The following DSCAM variants were observed in gnomAD, a reference collection of about 807,000 sequenced individuals.
DSCAM encodes DS cell adhesion molecule.
Under a neutral mutation model 217.7 loss-of-function variants are expected in DSCAM, and 47 were observed. That is an observed-to-expected ratio of 0.22 (90% CI 0.17 to 0.28). DSCAM has a LOEUF of 0.28. Ranked by LOEUF, DSCAM falls within the 10% of genes least tolerant of loss-of-function variation. The pLI, the probability that DSCAM is intolerant of heterozygous loss-of-function variation, is 1.00. For missense variants in DSCAM, 2,080 were observed against 2,618.3 expected (o/e 0.79, Z 4.49); for synonymous variants, 1,056 against 1,015.3 (o/e 1.04, Z -0.76).
intron 10 of DSCAM, among the ~76,000 whole-genome samples, chr21:40,279,796 T>C (rs2123393541): frequency 6.6e-6 from 1 of 152,156 alleles, no homozygotes; most frequent in East Asian, 1.9e-4. Context: ...TATGCAGCCA[T>C]AAAATAGATG....
intron 3 of DSCAM, among the ~76,000 whole-genome samples, chr21:40,620,166 G>A (rs1235009395): frequency 9.7e-6 from 1 of 103,564 alleles, no homozygotes; most frequent in African/African-American, 4.5e-5. Context: ...GAAAGAAAGA[G>A]AGAGAGAAAG....
At chr21:40,551,282 GT>G (rs2076627698) in intron 3 of DSCAM, among the ~76,000 whole-genome samples, 5 of 152,274 alleles carry the variant, frequency 3.3e-5, no homozygotes, top group African/African-American at 1.2e-4. Flanking sequence ...GTGGTTGGGG[GT>G]GTTGCTCACA....
At chr21:40,518,176 G>A (rs2076318696) in intron 3 of DSCAM, among the ~76,000 whole-genome samples, 2 of 147,262 alleles carry the variant, frequency 1.4e-5, no homozygotes, top group Admixed American at 1.4e-4. Flanking sequence ...CAATTCAATA[G>A]GAATCTGTGT....
At chr21:40,418,374 A>G (rs2075391964) in intron 3 of DSCAM, among the ~76,000 whole-genome samples, 1 of 152,238 alleles carries the variant, frequency 6.6e-6, no homozygotes, top group South Asian at 2.1e-4. Flanking sequence ...GTTTTAATTG[A>G]AATTCAAGTT....
intron 1 of DSCAM, among the ~76,000 whole-genome samples, chr21:40,734,021 A>G (rs560197508): frequency 2.0e-5 from 3 of 152,294 alleles, no homozygotes; most frequent in African/African-American, 7.2e-5. Flanking sequence ...GACATCACTT[A>G]CTGTTGAATC....
chr21:40,364,443 C>T (rs1287333548), intron 4 of DSCAM, among the ~76,000 whole-genome samples: 1 of 150,586 alleles, frequency 6.6e-6, no homozygotes, highest in African/African-American at 2.4e-5. Context: ...AAACCAAACA[C>T]CGCATGTTCT....
At chr21:40,287,060 TGTGATCTGCAG>T (rs1327308178) in intron 10 of DSCAM, among the ~76,000 whole-genome samples, 7 of 148,236 alleles carry the variant, frequency 4.7e-5, no homozygotes, top group Admixed American at 2.7e-4. Context: ...TGATCTGCAG[TGTGATCTGCAG>T]GTGATCTGCA....
chr21:40,028,565 A>G (rs2088442314), intron 32 of DSCAM, among the ~76,000 whole-genome samples: 1 of 152,098 alleles, frequency 6.6e-6, no homozygotes, highest in South Asian at 2.1e-4. Flanking sequence ...GCCATGTTTT[A>G]AGCCCGTCAG....
At chr21:40,518,694 A>ATATG (rs2076335493) in intron 3 of DSCAM, among the ~76,000 whole-genome samples, 1 of 142,782 alleles carries the variant, frequency 7.0e-6, no homozygotes, top group African/African-American at 2.6e-5. Flanking sequence ...ATATATATGT[A>ATATG]TATATATATA....
intron 3 of DSCAM, among the ~76,000 whole-genome samples, chr21:40,463,743 G>A (rs1185214449): frequency 1.3e-5 from 2 of 152,166 alleles, no homozygotes; most frequent in Non-Finnish European, 2.9e-5. Context: ...GGTTCCAGAA[G>A]GCTGCACCAT....
At position 40,656,628 on chromosome 21, in the gene DSCAM, G is replaced by A. The variant is rs575753394; in HGVS notation, c.508+36182C>T. On this transcript the variant is annotated intron_variant, in intron 3 of 32. Transcript: ENST00000400454. ...TTCTCCATCACGCTTCTGTGTCACCGTTGCAGAAGCTTCCACCTTAAGACA... is the reference window on the plus strand; with the variant it reads ...TTCTCCATCACGCTTCTGTGTCACCATTGCAGAAGCTTCCACCTTAAGACA... Among the ~76,000 whole-genome samples the A allele has an allele frequency of 5.3e-5, 8 of 152,190 alleles. No individual in the cohort carries two copies. In the South Asian group the frequency reaches 1.0e-3, roughly 20 times the overall value.
chr21:40,649,590 C>T (rs2089989553), intron 3 of DSCAM, among the ~76,000 whole-genome samples: 1 of 152,116 alleles, frequency 6.6e-6, no homozygotes, highest in South Asian at 2.1e-4. Flanking sequence ...AATGCAATGC[C>T]CTGGCAATGA....
intron 5 of DSCAM, among the ~76,000 whole-genome samples, chr21:40,348,677 C>T (rs1283513106): frequency 6.6e-6 from 1 of 152,224 alleles, no homozygotes; most frequent in African/African-American, 2.4e-5. Context: ...TATCATACTG[C>T]ATGCAGTTCG....
intron 3 of DSCAM, among the ~76,000 whole-genome samples, chr21:40,534,304 A>G (rs2076477874): frequency 6.6e-6 from 1 of 152,236 alleles, no homozygotes; most frequent in African/African-American, 2.4e-5. Flanking sequence ...TTGCATAAAG[A>G]TTATATTCTT....
intron 3 of DSCAM, among the ~76,000 whole-genome samples, chr21:40,457,978 G>A (rs1018502853): frequency 6.6e-6 from 1 of 151,960 alleles, no homozygotes; most frequent in Non-Finnish European, 1.5e-5. Flanking sequence ...ACATGTAAGA[G>A]GTATGAATAT....
intron 1 of DSCAM, 29 bp from the exon 2 acceptor site, chr21:40,708,800 G>A: frequency 1.4e-6 from 2 of 1,432,456 alleles, no homozygotes; most frequent in Non-Finnish European, 1.9e-6. Flanking sequence ...GGGATCCATA[G>A]GTGAGTAAAA....
intron 25 of DSCAM, 40 bp downstream of exon 25, chr21:40,080,112 A>G: frequency 3.5e-6 from 5 of 1,434,944 alleles, no homozygotes; most frequent in East Asian, 2.6e-5. Context: ...CTGGCCGGGA[A>G]AAGAAAGGAT....
intron 3 of DSCAM, among the ~76,000 whole-genome samples, chr21:40,401,500 C>T (rs1357891466): frequency 6.6e-6 from 1 of 152,112 alleles, no homozygotes; most frequent in Non-Finnish European, 1.5e-5. Flanking sequence ...GAGACACCAG[C>T]AATTTTATCC....
Position 40,488,598 on chromosome 21 carries a change from G to A in DSCAM, c.509-119353C>T, listed in dbSNP as rs138680648. ...AAGGCATCCACCCAAAGGAAAAAAG[G>A]TAAAAATCAAATCATCTCACTAAAG... On this transcript the variant is annotated intron_variant, in intron 3 of 32. Coordinates refer to ENST00000400454, the MANE Select transcript of DSCAM (RefSeq NM_001389.5). Among the ~76,000 whole-genome samples, 1,489 of 152,254 alleles carry A rather than the reference G, an allele frequency of 9.8e-3. 26 individuals carry two copies. Among genetic ancestry groups the A allele is most frequent in the African/African-American group, 0.033 (1,362 of 41,542 alleles).
Sources: gnomAD v4.1 joint callset for allele counts (sites outside exome capture counted in the v4.1 genomes callset) on GRCh38, gnomAD v4.1.1 for gene constraint, MANE v1.5 for transcripts, NCBI Gene and HGNC (gene_info 2026-07-23, HGNC 2026-07-21) for gene names.